The following PIK3CD variants were observed in gnomAD, a reference collection of about 807,000 sequenced individuals.
PIK3CD encodes phosphatidylinositol 4,5-bisphosphate 3-kinase catalytic subunit delta isoform.
In PIK3CD, 20 loss-of-function variants were observed where a neutral mutation model predicts 122.9. The observed-to-expected ratio is 0.16, with a 90% confidence interval of 0.11 to 0.24. PIK3CD has a LOEUF of 0.24. Among genes scored for constraint, PIK3CD ranks in the 10% least tolerant of loss-of-function variants. The probability of loss-of-function intolerance (pLI) is 1.00; values close to 1 mark genes in which losing one functional copy is unlikely to be tolerated. For missense variants in PIK3CD, 787 were observed against 1,406.3 expected, an observed-to-expected ratio of 0.56 and a Z score of 7.04; for synonymous variants, 596 against 593.4, an observed-to-expected ratio of 1.00 and a Z score of -0.06.
intron 2 of PIK3CD, among the ~76,000 whole-genome samples, chr1:9,705,532 T>C (rs1049737122): frequency 6.6e-6 from 1 of 151,484 alleles, no homozygotes; most frequent in Non-Finnish European, 1.5e-5. Context: ...ACAAAAAACC[T>C]TCTACTCACC....
rs563582571 is a variant in PIK3CD at position 9,692,685 on chromosome 1, A to G, written c.-33+1114A>G. ...GCGGAGGTTGCAGTGAGCCGAGATC[A>G]CACCACTGCACTCCAGCCTGGGTGA... On this transcript the variant is annotated intron_variant, in intron 2 of 23. Coordinates refer to ENST00000377346, the MANE Select transcript of PIK3CD (RefSeq NM_005026.5). Among the ~76,000 whole-genome samples, 19 of 152,010 alleles carry G rather than the reference A, an allele frequency of 1.2e-4. No individual in the cohort carries two copies. The East Asian group carries it at 3.1e-3, about 25-fold the overall frequency.
At chr1:9,695,714 T>C (rs1416351490) in intron 2 of PIK3CD, among the ~76,000 whole-genome samples, 3 of 151,816 alleles carry the variant, frequency 2.0e-5, no homozygotes, top group African/African-American at 7.3e-5. Flanking sequence ...TGGTGGCATG[T>C]GCCTGTAATC....
At chr1:9,708,764 G>A (rs1332662221) in intron 2 of PIK3CD, among the ~76,000 whole-genome samples, 3 of 151,860 alleles carry the variant, frequency 2.0e-5, no homozygotes, top group Non-Finnish European at 2.9e-5. Context: ...CAGGAGAATC[G>A]CTTGAGCCCA....
intron 1 of PIK3CD, chr1:9,654,094 A>G (rs1484736070): frequency 1.7e-6 from 2 of 1,172,388 alleles, no homozygotes; most frequent in Non-Finnish European, 2.3e-6. Flanking sequence ...ACAACAACCC[A>G]GTTGCCTGCT....
Position 9,715,245 on chromosome 1 carries a change from G to A in PIK3CD, c.142-296G>A, listed in dbSNP as rs571768637. ...GGCTGCATGAAGGTCATGGCCCCCC[G>A]TCTCTGGAGTGACCTAGGGTGGTCC... On this transcript the variant is annotated intron_variant, in intron 3 of 23. Coordinates refer to ENST00000377346, the MANE Select transcript of PIK3CD (RefSeq NM_005026.5). The surrounding 1 kb of genome is among the most constrained non-coding windows in gnomAD (Gnocchi z 4.1). Among the ~76,000 whole-genome samples the A allele has an allele frequency of 5.3e-5, 8 of 152,300 alleles. No individual in the cohort carries two copies. Among genetic ancestry groups the A allele is most frequent in the South Asian group, 2.1e-4 (1 of 4,832 alleles).
rs1259514679 is a variant in PIK3CD, at chr1:9,717,839, T to C, written c.1020+213T>C. ...GCCCTGGAGGCTGATTCGTAGAAAC[T>C]TGGGCCAAGCAGCGTTCTGGGTATT... is the stretch of plus-strand genomic sequence containing the variant. On this transcript the variant is annotated intron_variant, in intron 8 of 23. Coordinates refer to ENST00000377346, the MANE Select transcript of PIK3CD (RefSeq NM_005026.5). The surrounding 1 kb of genome is among the most constrained non-coding windows in gnomAD (Gnocchi z 5.4). 6.6e-6 allele frequency among the ~76,000 whole-genome samples: 1 copy of C among 152,150 alleles called. No homozygotes were observed. Among genetic ancestry groups the C allele is most frequent in the Non-Finnish European group, 1.5e-5 (1 of 68,028 alleles).
the PIK3CD span, among the ~76,000 whole-genome samples, chr1:9,630,959 C>T: frequency 1.3e-5 from 2 of 152,122 alleles, no homozygotes. Context: ...CATTTGTTCT[C>T]AAGCTATAGC....
intron 1 of PIK3CD, chr1:9,654,480 GT>G (rs779016016): frequency 2.0e-4 from 258 of 1,298,768 alleles, no homozygotes; most frequent in Middle Eastern, 4.4e-4. Flanking sequence ...ACCAATGGTT[GT>G]GCGAAAGCCA....
chr1:9,712,156 A>G (rs1460400452), intron 3 of PIK3CD, among the ~76,000 whole-genome samples: 1 of 152,176 alleles, frequency 6.6e-6, no homozygotes, highest in Non-Finnish European at 1.5e-5. Flanking sequence ...TATGTAGACA[A>G]TATTTGGTGG....
At position 9,723,109 on chromosome 1, in the gene PIK3CD, C is replaced by A; in HGVS notation, c.2427-16C>A. Reference sequence around the variant, plus strand: ...TTGACCATGCCATTTGCCCGTCCCTCTTCCCCCTTGCCTAGGATGACCCCC... The same window carrying A: ...TTGACCATGCCATTTGCCCGTCCCTATTCCCCCTTGCCTAGGATGACCCCC... On this transcript the variant is annotated splice_polypyrimidine_tract_variant and intron_variant, in intron 19 of 23. Transcript: ENST00000377346. The surrounding 1 kb of genome is among the most constrained non-coding windows in gnomAD (Gnocchi z 4.9). 1 of 1,613,106 alleles carries A rather than the reference C, an allele frequency of 6.2e-7. No homozygotes were observed. The highest frequency in any genetic ancestry group is 8.5e-7 in the Non-Finnish European group (1 of 1,179,782).
At chr1:9,654,525 T>C in intron 1 of PIK3CD, 1 of 779,466 alleles carries the variant, frequency 1.3e-6, no homozygotes, top group Non-Finnish European at 1.9e-6. Flanking sequence ...ATGGAATTCA[T>C]GGAGGTGGGA....
Position 9,715,423 on chromosome 1 carries a change from T to C in PIK3CD, c.142-118T>C. 1 of 791,848 alleles carries C rather than the reference T, an allele frequency of 1.3e-6. No individual in the cohort carries two copies. The highest frequency in any genetic ancestry group is 1.5e-5 in the South Asian group (1 of 64,538). The allele number at this position is 791,848 out of a possible 1,614,324, so 49.1% of individuals were successfully genotyped here. On this transcript the variant is annotated intron_variant, in intron 3 of 23. Coordinates refer to ENST00000377346, the MANE Select transcript of PIK3CD (RefSeq NM_005026.5). The surrounding 1 kb of genome is among the most constrained non-coding windows in gnomAD (Gnocchi z 4.1). ...GAGAGTGCAGATCTTGGGGTCTGCC[T>C]CTGCCCTCTGGGAGGTTTGGACCCC...
chr1:9,665,409 A>G (rs1180879295), intron 1 of PIK3CD, among the ~76,000 whole-genome samples: 2 of 151,472 alleles, frequency 1.3e-5, no homozygotes, highest in African/African-American at 4.9e-5. Flanking sequence ...GCACGCCGCC[A>G]TGCCCGGCTA....
At chr1:9,658,945 T>C (rs1002367289) in intron 1 of PIK3CD, among the ~76,000 whole-genome samples, 4 of 152,178 alleles carry the variant, frequency 2.6e-5, no homozygotes, top group Non-Finnish European at 4.4e-5. Context: ...CTGTGTAAAG[T>C]GCCAGGCACA....
chr1:9,702,311 T>A (rs1209301860), intron 2 of PIK3CD, among the ~76,000 whole-genome samples: 1 of 151,394 alleles, frequency 6.6e-6, no homozygotes. Context: ...GGCAAAAGGG[T>A]CTAAAAACTG....
chr1:9,693,177 A>C (rs1418494664), intron 2 of PIK3CD, among the ~76,000 whole-genome samples: 1 of 151,920 alleles, frequency 6.6e-6, no homozygotes, highest in Non-Finnish European at 1.5e-5. Flanking sequence ...ATCCTCCCCC[A>C]AACCCCTCAG....
At chr1:9,695,609 C>T (rs1056885356) in intron 2 of PIK3CD, among the ~76,000 whole-genome samples, 11 of 152,030 alleles carry the variant, frequency 7.2e-5, no homozygotes, top group Admixed American at 1.3e-4. Context: ...TTTGGGAGGC[C>T]GAGGCGGGCA....
chr1:9,684,850 A>AG (rs1645905675), intron 1 of PIK3CD, among the ~76,000 whole-genome samples: 1 of 150,828 alleles, frequency 6.6e-6, no homozygotes, highest in African/African-American at 2.4e-5. Flanking sequence ...TGTCTCAAAA[A>AG]AAAAAAAAAA....
At chr1:9,707,840 C>CTAGA (rs1338748238) in intron 2 of PIK3CD, among the ~76,000 whole-genome samples, 1 of 149,610 alleles carries the variant, frequency 6.7e-6, no homozygotes, top group South Asian at 2.1e-4. Context: ...GTCGCCCAGG[C>CTAGA]TAGAGTACAG....
Sources: allele counts gnomAD v4.1 joint callset (sites outside exome capture counted in the v4.1 genomes callset), GRCh38; gene constraint gnomAD v4.1.1; non-coding constraint Gnocchi (gnomAD v3.1); transcripts MANE v1.5; gene names NCBI Gene and HGNC (gene_info 2026-07-23, HGNC 2026-07-21).